Variants in LUZP4 observed in about 807,000 individuals in gnomAD.
LUZP4 encodes HOM-TES-85 tumor antigen.
In LUZP4, 11 loss-of-function variants were observed where a neutral mutation model predicts 8.5. The observed-to-expected ratio is 1.30, with a 90% CI of 0.82 to 2.14. LUZP4 has a LOEUF of 2.14. Among genes scored for constraint, LUZP4 ranks in the 30% most tolerant of loss-of-function variants. LUZP4 has a pLI of 0.00. For synonymous variants in LUZP4, 104 were observed against 79.4 expected, an observed-to-expected ratio of 1.31 and a Z score of -1.65; for missense variants, 276 against 229.7, an observed-to-expected ratio of 1.20 and a Z score of -1.30.
At chrX:115,303,027 A>G (rs1556602205) in intron 2 of LUZP4, among the ~76,000 whole-genome samples, 3 of 111,984 alleles carry the variant, frequency 2.7e-5, no homozygotes, top group East Asian at 5.6e-4. Flanking sequence ...ATTTAATTTC[A>G]GATAGTATGT....
rs782081748 is a variant in LUZP4, at chrX:115,306,409, C to T, written c.547C>T (p.His183Tyr). The T allele has an allele frequency of 2.8e-5, 34 of 1,209,428 alleles. No homozygotes were observed. The highest frequency in any genetic ancestry group is 3.0e-5 in the East Asian group (1 of 33,732). Residue 183 changes from histidine (H) to tyrosine (Y), a missense_variant, in exon 4 of 4, where the codon CAT (histidine) becomes TAT (tyrosine). Coordinates refer to ENST00000371920, the MANE Select transcript of LUZP4 (RefSeq NM_016383.5). ...CAGATCTCAAGGGCAGCTAAAGAGA[C>T]ATCATCCCCAATATGAGAGATCTCA... The part of the protein sequence containing the change: ...SDRSQGQLKR[H>Y]HPQYERSHGQ...
rs782323197 is a variant in LUZP4, at chrX:115,306,370, C to T, written c.508C>T (p.Leu170Phe). 1.7e-6 allele frequency: 2 copies of T among 1,209,212 alleles called. No individual in the cohort carries two copies. Among genetic ancestry groups the T allele is most frequent in the African/African-American group, 3.5e-5 (2 of 56,991 alleles). Residue 170 changes from leucine (L) to phenylalanine (F), a missense_variant, in exon 4 of 4, where the codon CTT becomes TTT. Physicochemically the swap from Leu to Phe is conservative, Grantham distance 22. Transcript: ENST00000371920. ...ATCCCGAAACCACTTAGAGAGATCT[C>T]TTTCTCAGTCAGACAGATCTCAAGG... ...ERSRNHLERS[L>F]SQSDRSQGQL...
chrX:115,298,425 C>G (rs1389553409), intron 1 of LUZP4, among the ~76,000 whole-genome samples: 1 of 112,650 alleles, frequency 8.9e-6, no homozygotes, highest in African/African-American at 3.2e-5. Context: ...CAGCCAATAA[C>G]TCTTAGATTT....
chrX:115,302,408 G>T (rs782274364), intron 2 of LUZP4, among the ~76,000 whole-genome samples: 1 of 112,163 alleles, frequency 8.9e-6, no homozygotes, highest in East Asian at 2.8e-4. Context: ...ACAAGCCTGG[G>T]TTGGTTGGTC....
At chrX:115,300,574 T>C (rs184520080) in intron 1 of LUZP4, among the ~76,000 whole-genome samples, 48 of 111,795 alleles carry the variant, frequency 4.3e-4, no homozygotes, top group Non-Finnish European at 7.7e-4. Flanking sequence ...GATGGAGAGG[T>C]TTGTGGGAAC....
intron 1 of LUZP4, among the ~76,000 whole-genome samples, chrX:115,300,030 G>A (rs1042743049): frequency 2.2e-4 from 25 of 111,386 alleles, no homozygotes; most frequent in African/African-American, 7.5e-4. Flanking sequence ...TCTAACTGGT[G>A]CCCTATCCTG....
intron 2 of LUZP4, 139 bp downstream of exon 2, chrX:115,302,262 C>T (rs2073401068): frequency 2.0e-5 from 10 of 489,178 alleles, no homozygotes; most frequent in Non-Finnish European, 3.2e-5. Flanking sequence ...TGGGCATGGG[C>T]TCATACAGGG....
chrX:115,297,752 G>A (rs1412274042), intron 1 of LUZP4, among the ~76,000 whole-genome samples: 1 of 110,924 alleles, frequency 9.0e-6, no homozygotes, highest in East Asian at 2.8e-4. Context: ...GGTTAAATCT[G>A]CTTGGTGTTC....
At chrX:115,293,597 T>A (rs900794323) in intron 1 of LUZP4, among the ~76,000 whole-genome samples, 17 of 109,504 alleles carry the variant, frequency 1.6e-4, no homozygotes, top group Non-Finnish European at 2.5e-4. Flanking sequence ...ATCCTTTTTT[T>A]AAAAAAAAAG....
At chrX:115,298,354 A>G (rs1187648729) in intron 1 of LUZP4, among the ~76,000 whole-genome samples, 1 of 112,662 alleles carries the variant, frequency 8.9e-6, no homozygotes, top group African/African-American at 3.2e-5. Context: ...GGCGTAAGCC[A>G]CCACTCCCAA....
At position 115,291,405 on chromosome X, in the gene LUZP4, C is replaced by T. The variant is rs1569520128; in HGVS notation, c.91+1555C>T. On this transcript the variant is annotated intron_variant, in intron 1 of 3. Transcript: ENST00000371920. ...TGAGCCACTGCGCCTGGCCAAGGGCCACTTTAGAAATGAGAGGGGGAGAGG... is the reference window on the plus strand; with the variant it reads ...TGAGCCACTGCGCCTGGCCAAGGGCTACTTTAGAAATGAGAGGGGGAGAGG... 1.8e-5 allele frequency among the ~76,000 whole-genome samples: 2 copies of T among 111,403 alleles called. 1 individual carries two copies. The highest frequency in any genetic ancestry group is 1.9e-4 in the Admixed American group (2 of 10,500).
chrX:115,292,816 G>C lies in LUZP4; in HGVS notation c.91+2966G>C, dbSNP rs143282310. 5.3e-3 allele frequency among the ~76,000 whole-genome samples: 584 copies of C among 110,844 alleles called. 3 individuals carry two copies. The highest frequency in any genetic ancestry group is 0.018 in the African/African-American group (550 of 30,409). ...TTTACCTGCCTCCCACTTTACTTCT[G>C]AGGGGGAATGGCCCTGAAAAGTAAC... On this transcript the variant is annotated intron_variant, in intron 1 of 3. Coordinates refer to ENST00000371920, the MANE Select transcript of LUZP4 (RefSeq NM_016383.5).
intron 3 of LUZP4, among the ~76,000 whole-genome samples, chrX:115,304,764 A>C (rs868965969): frequency 3.6e-5 from 4 of 110,092 alleles, no homozygotes; most frequent in Non-Finnish European, 7.6e-5. Flanking sequence ...TACTTTTGAA[A>C]CTTTTGAGAC....
chrX:115,302,787 T>C (rs782180362), intron 2 of LUZP4, among the ~76,000 whole-genome samples: 1 of 112,451 alleles, frequency 8.9e-6, no homozygotes, highest in Non-Finnish European at 1.9e-5. Flanking sequence ...GAAGCGATGA[T>C]AGTTATTACA....
intron 2 of LUZP4, among the ~76,000 whole-genome samples, chrX:115,302,571 G>T (rs782643262): frequency 8.9e-6 from 1 of 112,960 alleles, no homozygotes; most frequent in East Asian, 2.8e-4. Context: ...AACCTCATTG[G>T]TAATTGCAGT....
intron 1 of LUZP4, 124 bp from the exon 2 acceptor site, chrX:115,301,868 T>C (rs918326008): frequency 2.9e-6 from 1 of 350,826 alleles, no homozygotes; most frequent in South Asian, 1.3e-4. Context: ...ATTATTATTA[T>C]CATTTTTAGG....
At chrX:115,300,144 G>A (rs1218411457) in intron 1 of LUZP4, among the ~76,000 whole-genome samples, 5 of 111,447 alleles carry the variant, frequency 4.5e-5, no homozygotes, top group Non-Finnish European at 9.4e-5. Context: ...GAGCTGTCCA[G>A]CCTGGGGTTA....
intron 1 of LUZP4, among the ~76,000 whole-genome samples, chrX:115,300,163 G>A (rs2073389972): frequency 9.0e-6 from 1 of 111,352 alleles, no homozygotes; most frequent in Admixed American, 9.5e-5. Context: ...TAGGGGAGGG[G>A]CGATGCCACC....
intron 1 of LUZP4, among the ~76,000 whole-genome samples, chrX:115,292,888 A>G (rs1451368748): frequency 9.0e-6 from 1 of 111,340 alleles, no homozygotes; most frequent in Non-Finnish European, 1.9e-5. Context: ...TTAGCAATCT[A>G]TTTTAAGATC....
Sources: gnomAD v4.1 joint callset for allele counts (sites outside exome capture counted in the v4.1 genomes callset) on GRCh38, gnomAD v4.1.1 for gene constraint, MANE v1.5 for transcripts, NCBI Gene and HGNC (gene_info 2026-07-23, HGNC 2026-07-21) for gene names.